MMP26: variants seen among roughly 807,000 people sequenced by gnomAD.
The protein encoded by MMP26 is matrix metallopeptidase 26, also known as matrix metalloproteinase-26.
In MMP26, 33 loss-of-function variants were observed where a neutral mutation model predicts 31.0. The observed-to-expected ratio is 1.06, with a 90% CI of 0.81 to 1.42. The LOEUF (loss-of-function observed/expected upper bound fraction) is 1.42, where lower values mean the gene tolerates loss of function less well. MMP26 is among the 40% of genes most tolerant of loss of function. The pLI is 0.00. For synonymous variants in MMP26, 122 were observed against 114.9 expected (o/e 1.06, Z -0.40); for missense variants, 347 against 316.1 (o/e 1.10, Z -0.74).
rs192301984 is a variant in MMP26, at chr11:4,767,300, G to A, written c.-186G>A. The stretch of plus-strand genomic sequence containing the variant: ...CTTACAAAATCGTCCTATCCAGCAT[G>A]CACTTTTGGATACTCTTTCAACTCA... On this transcript the variant is annotated 5_prime_UTR_variant, in exon 2 of 8. The change abolishes an upstream ATG in the 5' untranslated region. Coordinates refer to ENST00000380390, the MANE Select transcript of MMP26 (RefSeq NM_021801.5). 66 of 152,144 alleles carry A rather than the reference G, an allele frequency of 4.3e-4. No homozygotes were observed. The East Asian group carries it at 0.011, about 25-fold the overall frequency. 9.4% of individuals were successfully genotyped at this position (152,144 alleles called of 1,614,324 possible).
intron 2 of MMP26, among the ~76,000 whole-genome samples, chr11:4,783,153 C>T (rs1265929285): frequency 6.6e-6 from 1 of 152,214 alleles, no homozygotes; most frequent in South Asian, 2.1e-4. Context: ...GTAGCTTGCA[C>T]CGTGCTCCTG....
At chr11:4,719,505 C>G (rs1052664929) in intron 1 of MMP26, 12 of 153,802 alleles carry the variant, frequency 7.8e-5, no homozygotes, top group Non-Finnish European at 1.6e-4. Flanking sequence ...GTGTGAAGAC[C>G]AAACAGATAC....
chr11:4,925,017 C>T (rs1385008139), intron 2 of MMP26, among the ~76,000 whole-genome samples: 7 of 152,190 alleles, frequency 4.6e-5, no homozygotes, highest in Non-Finnish European at 1.0e-4. Context: ...TACATTGTCA[C>T]ATGCATTAAA....
Position 4,787,885 on chromosome 11 carries a change from G to A in MMP26, c.-145+20544G>A, listed in dbSNP as rs566085149. Among the ~76,000 whole-genome samples, 5 of 152,218 alleles carry A rather than the reference G, an allele frequency of 3.3e-5. No homozygotes were observed. The South Asian group carries it at 1.0e-3, about 32-fold the overall frequency. On this transcript the variant is annotated intron_variant, in intron 2 of 7. Coordinates refer to ENST00000380390, the MANE Select transcript of MMP26 (RefSeq NM_021801.5). The stretch of plus-strand genomic sequence containing the variant: ...TTAAGTACATGCTTTCTTTTACTTA[G>A]CTTAAACCACAGTTCTTTGAAATGG...
At chr11:4,890,634 ACACT>A (rs1850605495) in intron 2 of MMP26, 1 of 152,130 alleles carries the variant, frequency 6.6e-6, no homozygotes, top group South Asian at 2.1e-4. Context: ...GTCTGAAATG[ACACT>A]CAGTATGGAT....
At chr11:4,891,148 C>A (rs983136462) in intron 2 of MMP26, among the ~76,000 whole-genome samples, 31 of 152,120 alleles carry the variant, frequency 2.0e-4, no homozygotes, top group Admixed American at 1.0e-3. Context: ...GTGTGACAGG[C>A]TGTTCTCCCA....
At chr11:4,835,304 T>A (rs1004122937) in intron 2 of MMP26, among the ~76,000 whole-genome samples, 15 of 151,894 alleles carry the variant, frequency 9.9e-5, no homozygotes, top group Middle Eastern at 3.2e-3. Context: ...AACCCAGAGA[T>A]CTGGCTTTTG....
Position 4,893,379 on chromosome 11 carries a change from T to G in MMP26, c.-144-94689T>G, listed in dbSNP as rs932151432. 2.0e-5 allele frequency among the ~76,000 whole-genome samples: 3 copies of G among 152,178 alleles called. No homozygotes were observed. The South Asian group carries it at 6.2e-4, about 32-fold the overall frequency. On this transcript the variant is annotated intron_variant, in intron 2 of 7. Transcript: ENST00000380390. ...ATAGGAGAAGACCACTAGAAACCTC[T>G]TTAGTATACTACAACCACACTCCTT...
At chr11:4,901,194 T>C (rs1850796705) in intron 2 of MMP26, among the ~76,000 whole-genome samples, 1 of 134,890 alleles carries the variant, frequency 7.4e-6, no homozygotes, top group South Asian at 2.6e-4. Flanking sequence ...AGTCTCACTC[T>C]GTCGCCCAGT....
intron 2 of MMP26, among the ~76,000 whole-genome samples, chr11:4,855,333 G>C (rs1850034731): frequency 6.6e-6 from 1 of 152,132 alleles, no homozygotes; most frequent in Non-Finnish European, 1.5e-5. Context: ...AAAAAGATTA[G>C]ATGAATGGCT....
At chr11:4,972,282 G>A (rs1386520473) in intron 2 of MMP26, among the ~76,000 whole-genome samples, 2 of 152,132 alleles carry the variant, frequency 1.3e-5, no homozygotes, top group African/African-American at 4.8e-5. Context: ...ACAGTTCAGA[G>A]GAACCTGGGT....
intron 2 of MMP26, among the ~76,000 whole-genome samples, chr11:4,925,867 A>C (rs1249331443): frequency 6.6e-6 from 1 of 151,982 alleles, no homozygotes; most frequent in African/African-American, 2.4e-5. Flanking sequence ...TTAATTTTTC[A>C]GAGACTGTTT....
At position 4,898,831 on chromosome 11, in the gene MMP26, C is replaced by G. The variant is rs2595981; in HGVS notation, c.-144-89237C>G. Among the ~76,000 whole-genome samples the G allele has an allele frequency of 4.6e-3, 437 of 94,224 alleles. 5 individuals are homozygous for G. In the East Asian group the frequency reaches 0.17, roughly 37 times the overall value. 61.8% of individuals were successfully genotyped at this position (94,224 alleles called of 152,430 possible). ...GAAATCTCTCTCTCTCTCTCTCTCT[C>G]TGTGTGTGTGTGTGTGTGTGTGTGT... is the stretch of plus-strand genomic sequence containing the variant. On this transcript the variant is annotated intron_variant, in intron 2 of 7. Transcript: ENST00000380390.
At chr11:4,965,419 C>G (rs1187722936) in intron 2 of MMP26, among the ~76,000 whole-genome samples, 1 of 152,126 alleles carries the variant, frequency 6.6e-6, no homozygotes, top group Non-Finnish European at 1.5e-5. Flanking sequence ...ATAAAAGTGG[C>G]TTTTAAATGT....
At chr11:4,718,906 C>T (rs956767682) in intron 1 of MMP26, 7 of 183,984 alleles carry the variant, frequency 3.8e-5, no homozygotes, top group South Asian at 1.2e-4. Flanking sequence ...CTTTAATGCC[C>T]GCTTGTCCCA....
At chr11:4,979,789 T>G (rs1296634053) in intron 2 of MMP26, among the ~76,000 whole-genome samples, 1 of 152,084 alleles carries the variant, frequency 6.6e-6, no homozygotes, top group Non-Finnish European at 1.5e-5. Context: ...TTTCTTAGAT[T>G]CATTAGCCTT....
intron 2 of MMP26, among the ~76,000 whole-genome samples, chr11:4,838,315 T>TAACAAAAAA: frequency 3.6e-5 from 1 of 27,406 alleles, no homozygotes; most frequent in Non-Finnish European, 1.0e-4. Flanking sequence ...AGACTCTGTC[T>TAACAAAAAA]AAAAAAAAAA....
At chr11:4,847,841 A>C (rs1460991993) in intron 2 of MMP26, 1 of 158,212 alleles carries the variant, frequency 6.3e-6, no homozygotes, top group African/African-American at 2.4e-5. Flanking sequence ...AAGATCTTCT[A>C]TCTAGTTGAG....
intron 2 of MMP26, among the ~76,000 whole-genome samples, chr11:4,842,624 G>A (rs543718488): frequency 6.6e-6 from 1 of 152,186 alleles, no homozygotes; most frequent in South Asian, 2.1e-4. Context: ...CTCCACGTTG[G>A]GAATTACAAT....
Sources: gnomAD v4.1 joint callset for allele counts (sites outside exome capture counted in the v4.1 genomes callset) on GRCh38, gnomAD v4.1.1 for gene constraint, MANE v1.5 for transcripts, NCBI Gene and HGNC (gene_info 2026-07-23, HGNC 2026-07-21) for gene names.